TENM4: variants seen among roughly 807,000 people sequenced by gnomAD.
The protein encoded by TENM4 is teneurin transmembrane protein 4.
TENM4 carries 82 observed loss-of-function variants against 243.3 expected under a neutral mutation model. The observed-to-expected ratio is 0.34, with a 90% CI of 0.28 to 0.40. The LOEUF is 0.40. TENM4 is among the 10% of genes least tolerant of loss of function. The probability of loss-of-function intolerance (pLI) is 1.00; values close to 1 mark genes in which losing one functional copy is unlikely to be tolerated. For synonymous variants in TENM4, 1,412 were observed against 1,456.3 expected (o/e 0.97, Z 0.69); for missense variants, 3,138 against 3,673.3 (o/e 0.85, Z 3.77).
chr11:78,705,701 G>T (rs1859230747), intron 27 of TENM4, among the ~76,000 whole-genome samples: 1 of 152,198 alleles, frequency 6.6e-6, no homozygotes, highest in African/African-American at 2.4e-5. Context: ...ATTGTCAAAT[G>T]AATGAACGAA....
chr11:79,192,148 G>A lies in TENM4; in HGVS notation c.-163+23660C>T, dbSNP rs565366184. Among the ~76,000 whole-genome samples the A allele has an allele frequency of 3.8e-3, 573 of 151,018 alleles. 7 individuals carry two copies. The highest frequency in any genetic ancestry group is 0.012 in the African/African-American group (498 of 41,108). ...GCCCCGTCCGGGAGGGAGGTGGGGG[G>A]GTCAGCCCCCTGCCCGGCCAGCTGC... On this transcript the variant is annotated intron_variant, in intron 3 of 33. Transcript: ENST00000278550.
intron 9 of TENM4, among the ~76,000 whole-genome samples, chr11:78,882,630 T>G (rs1855456328): frequency 1.3e-5 from 2 of 152,190 alleles, no homozygotes; most frequent in South Asian, 4.1e-4. Context: ...TCAGAGATAT[T>G]GACAGTCTAT....
At chr11:79,091,412 A>T (rs1211760314) in intron 4 of TENM4, among the ~76,000 whole-genome samples, 1 of 148,128 alleles carries the variant, frequency 6.8e-6, no homozygotes, top group East Asian at 1.9e-4. Context: ...TGGAGATATA[A>T]AAAAAAATAA....
chr11:79,021,025 C>T (rs1329530779), intron 6 of TENM4, among the ~76,000 whole-genome samples: 2 of 152,352 alleles, frequency 1.3e-5, no homozygotes, highest in South Asian at 4.1e-4. Flanking sequence ...GTGCCTTATT[C>T]ATCTTTGCAT....
chr11:78,719,535 T>A (rs1283174884), intron 25 of TENM4, among the ~76,000 whole-genome samples: 1 of 152,194 alleles, frequency 6.6e-6, no homozygotes, highest in African/African-American at 2.4e-5. Flanking sequence ...CTTTCTTTCA[T>A]CCCAACTTAG....
At chr11:79,046,872 AC>A (rs1422222131) in intron 6 of TENM4, among the ~76,000 whole-genome samples, 2 of 152,206 alleles carry the variant, frequency 1.3e-5, no homozygotes, top group Non-Finnish European at 2.9e-5. Flanking sequence ...GGAAATGAAT[AC>A]AACACCCAAT....
At chr11:78,739,970 C>T (rs994063774) in intron 19 of TENM4, among the ~76,000 whole-genome samples, 5 of 152,182 alleles carry the variant, frequency 3.3e-5, no homozygotes, top group Admixed American at 6.5e-5. Flanking sequence ...TGCCACTGGC[C>T]GTGGGTGGAA....
At chr11:79,378,130 A>T (rs1857929273) in intron 1 of TENM4, among the ~76,000 whole-genome samples, 1 of 152,238 alleles carries the variant, frequency 6.6e-6, no homozygotes, top group African/African-American at 2.4e-5. Flanking sequence ...TGCTGGTACC[A>T]CCTGAAAATG....
intron 1 of TENM4, among the ~76,000 whole-genome samples, chr11:79,373,332 G>A (rs1431571813): frequency 9.6e-6 from 1 of 103,970 alleles, no homozygotes; most frequent in African/African-American, 4.7e-5. Flanking sequence ...CTGGCTGGCT[G>A]GATGGATGGA....
Position 78,701,871 on chromosome 11 carries a change from G to A in TENM4, c.4742C>T (p.Pro1581Leu), listed in dbSNP as rs1859113001. 1 of 1,614,010 alleles carries A rather than the reference G, an allele frequency of 6.2e-7. No individual in the cohort carries two copies. The highest frequency in any genetic ancestry group is 2.2e-5 in the East Asian group (1 of 44,888). Residue 1581 changes from proline to leucine, a missense_variant, in exon 28 of 34, where the codon CCA becomes CTA. This residue lies in a region of TENM4 where 2,467 missense variants were observed against 3,059.1 expected (regional missense o/e 0.81). Transcript: ENST00000278550. ...AAACAGATAGAGCTCCTGGTCAATTGGTGAAGACAGCTCATACATGTTCTG... is the reference window on the plus strand; with the variant it reads ...AAACAGATAGAGCTCCTGGTCAATTAGTGAAGACAGCTCATACATGTTCTG... ...NTQNMYELSS[P>L]IDQELYLFDT...
At chr11:78,787,555 G>C (rs1040537717) in intron 15 of TENM4, among the ~76,000 whole-genome samples, 1 of 152,202 alleles carries the variant, frequency 6.6e-6, no homozygotes, top group African/African-American at 2.4e-5. Flanking sequence ...GGCTGGGCAC[G>C]TGATGAGTTC....
At chr11:78,859,948 C>A (rs147234191) in intron 10 of TENM4, among the ~76,000 whole-genome samples, 1 of 152,102 alleles carries the variant, frequency 6.6e-6, no homozygotes. Flanking sequence ...GGCTTTAGTT[C>A]GAAAAGCTGC....
chr11:79,153,534 C>T lies in TENM4; in HGVS notation c.-162-4728G>A, dbSNP rs140594325. Among the ~76,000 whole-genome samples the T allele has an allele frequency of 4.2e-4, 64 of 152,254 alleles. 1 individual carries two copies. In the East Asian group the frequency reaches 9.7e-3, roughly 23 times the overall value. On this transcript the variant is annotated intron_variant, in intron 3 of 33. Transcript: ENST00000278550. ...GTAAGGAGCACAAGACAACCTGTCT[C>T]CCTTCTCTCACACCCCTACCAAAAC...
chr11:78,926,112 G>C (rs1856546837), intron 6 of TENM4, among the ~76,000 whole-genome samples: 1 of 152,040 alleles, frequency 6.6e-6, no homozygotes, highest in African/African-American at 2.4e-5. Flanking sequence ...ATTGCACAAA[G>C]TCAACAGATA....
In TENM4 at chr11:79,164,031, A is replaced by AGT. The variant is rs1167910040; in HGVS notation, c.-162-15227_-162-15226dup. On this transcript the variant is annotated intron_variant, in intron 3 of 33. Coordinates refer to ENST00000278550, the MANE Select transcript of TENM4 (RefSeq NM_001098816.3). ...TATAGTATATATATAGTATGTATAT[A>AGT]GTATATATACACTATAAATACTATG... Among the ~76,000 whole-genome samples the AGT allele has an allele frequency of 1.3e-3, 152 of 120,894 alleles. 4 individuals are homozygous for AGT. Among genetic ancestry groups the AGT allele is most frequent in the Middle Eastern group, 9.4e-3 (1 of 106 alleles). 79.3% of individuals were successfully genotyped at this position (120,894 alleles called of 152,430 possible).
chr11:78,950,312 C>T (rs1171674344), intron 6 of TENM4, among the ~76,000 whole-genome samples: 2 of 152,122 alleles, frequency 1.3e-5, no homozygotes, highest in East Asian at 1.9e-4. Context: ...GGCCTCTGGC[C>T]AGGGGTCATA....
At chr11:79,279,310 G>A (rs1412050682) in intron 2 of TENM4, among the ~76,000 whole-genome samples, 2 of 152,108 alleles carry the variant, frequency 1.3e-5, no homozygotes, top group Non-Finnish European at 2.9e-5. Context: ...AGTCCTTTGG[G>A]AGCTTACAAT....
At position 78,701,907 on chromosome 11, in the gene TENM4, A is replaced by T. The variant is rs1157763456; in HGVS notation, c.4706T>A (p.Phe1569Tyr). ...RIRFIRKNKP[F>Y]LNTQNMYELS... ...CTCATACATGTTCTGGGTGTTGAGG[A>T]AAGGCTTGTTCTTCCGGATAAACCG... The change falls in exon 28 of 34, where the codon TTC becomes TAC. Residue 1569 changes from phenylalanine to tyrosine, a missense_variant. This residue lies in a region of TENM4 where 2,467 missense variants were observed against 3,059.1 expected (regional missense o/e 0.81). Transcript: ENST00000278550. The T allele has an allele frequency of 6.2e-7, 1 of 1,614,022 alleles. No individual in the cohort carries two copies. Among genetic ancestry groups the T allele is most frequent in the Admixed American group, 1.7e-5 (1 of 60,020 alleles).
chr11:78,884,486 T>C (rs1282543382), intron 9 of TENM4, among the ~76,000 whole-genome samples: 1 of 152,180 alleles, frequency 6.6e-6, no homozygotes, highest in Non-Finnish European at 1.5e-5. Flanking sequence ...CATAGTTGGC[T>C]GAAAGCATGG....
Sources: allele counts gnomAD v4.1 joint callset (sites outside exome capture counted in the v4.1 genomes callset), GRCh38; gene constraint gnomAD v4.1.1; regional missense constraint gnomAD v4.1.1; transcripts MANE v1.5; gene names NCBI Gene and HGNC (gene_info 2026-07-23, HGNC 2026-07-21).